The following SRP19 variants were observed in gnomAD, a reference collection of about 807,000 sequenced individuals.
SRP19 encodes the protein signal recognition particle 19 kDa protein.
SRP19 carries 11 observed loss-of-function variants against 22.4 expected under a neutral mutation model. The ratio of observed to expected loss-of-function variants is 0.49; its 90% CI spans 0.31 to 0.81. The LOEUF is 0.81. Ranked by LOEUF, SRP19 falls within the 40% of genes least tolerant of loss-of-function variation. The pLI is 0.05. For synonymous variants in SRP19, 61 were observed against 57.6 expected, an observed-to-expected ratio of 1.06 and a Z score of -0.27; for missense variants, 168 against 175.9, an observed-to-expected ratio of 0.96 and a Z score of 0.25.
chr5:112,866,717 A>G (rs1219401291), intron 4 of SRP19, among the ~76,000 whole-genome samples: 1 of 152,210 alleles, frequency 6.6e-6, no homozygotes, highest in African/African-American at 2.4e-5. Flanking sequence ...GAGTGACATC[A>G]TATTCTGATA....
chr5:112,893,986 A>G (rs1170166714), downstream of SRP19: 3 of 152,206 alleles, frequency 2.0e-5, no homozygotes. Context: ...GGAGAATTAA[A>G]TGACTGTATT....
chr5:112,895,571 T>C (rs1768657841), downstream of SRP19: 1 of 152,218 alleles, frequency 6.6e-6, no homozygotes, highest in African/African-American at 2.4e-5. Flanking sequence ...ATTGACTACT[T>C]TCTGGTACCC....
chr5:112,876,522 T>C (rs1767899614), intron 4 of SRP19: 1 of 152,214 alleles, frequency 6.6e-6, no homozygotes. Flanking sequence ...AGAGTAGCAG[T>C]TGTTGATCCA....
chr5:112,894,507 C>T (rs1768618469), downstream of SRP19: 1 of 152,226 alleles, frequency 6.6e-6, no homozygotes, highest in Non-Finnish European at 1.5e-5. Flanking sequence ...TGCAATACAA[C>T]ATTATGATAT....
At chr5:112,879,930 T>G (rs1474378259) in intron 4 of SRP19, among the ~76,000 whole-genome samples, 1 of 151,956 alleles carries the variant, frequency 6.6e-6, no homozygotes, top group Non-Finnish European at 1.5e-5. Context: ...ACCTCTATTT[T>G]AAAAAAATTT....
intron 4 of SRP19, among the ~76,000 whole-genome samples, chr5:112,882,231 A>G (rs993414029): frequency 6.6e-6 from 1 of 152,068 alleles, no homozygotes. Flanking sequence ...CCAATACTGC[A>G]GTCCCTCCAT....
chr5:112,887,672 G>A (rs1768302457), intron 4 of SRP19, among the ~76,000 whole-genome samples: 1 of 152,038 alleles, frequency 6.6e-6, no homozygotes, highest in South Asian at 2.1e-4. Context: ...TCCTTTGGTG[G>A]ACCTCAGTTT....
rs1767541630 is a variant in SRP19 at position 112,864,933 on chromosome 5, A to G, written c.301+201A>G. 3 of 396,320 alleles carry G rather than the reference A, an allele frequency of 7.6e-6. No homozygotes were observed. The South Asian group carries it at 2.5e-4, about 33-fold the overall frequency. The allele number at this position is 396,320 out of a possible 1,614,324, so 24.6% of individuals were successfully genotyped here. A position where few individuals can be genotyped will look rare whatever the true frequency, so the allele number is the denominator to read the frequency against. The stretch of plus-strand genomic sequence containing the variant: ...CCTCTTTGAAAATGTAATGAGACCC[A>G]CTAAACATTTTTCAAAAAAATTGTT... On this transcript the variant is annotated intron_variant, in intron 4 of 4. Coordinates refer to ENST00000505459, the MANE Select transcript of SRP19 (RefSeq NM_003135.3).
rs755148026 is a variant in SRP19 at position 112,892,916 on chromosome 5, C to G, written c.*1309C>G. On this transcript the variant is annotated 3_prime_UTR_variant, in exon 5 of 5. Transcript: ENST00000391338. ...AAGAGTCGGGAGAGGCACAATTCAC[C>G]AAGCAGAGGAAGAAATAGGCACCGC... 3 of 1,607,080 alleles carry G rather than the reference C, an allele frequency of 1.9e-6. No individual in the cohort carries two copies. The Admixed American group carries it at 5.1e-5, about 27-fold the overall frequency.
At position 112,892,571 on chromosome 5, in the gene SRP19, G is replaced by A. The variant is rs191887893; in HGVS notation, c.*964G>A. The A allele has an allele frequency of 2.0e-4, 329 of 1,614,120 alleles. 3 individuals are homozygous for A. In the African/African-American group the frequency reaches 3.8e-3, roughly 19 times the overall value. ...CAATGTGAATTCTGCCCAGTGACCC[G>A]GTGGAAAATGGCGATTTGTGGTTTA... is the stretch of plus-strand genomic sequence containing the variant. On this transcript the variant is annotated 3_prime_UTR_variant, in exon 5 of 5. Transcript: ENST00000391338.
rs1767661929 is a variant in SRP19 at position 112,867,947 on chromosome 5, A to G, written c.*410A>G. The G allele has an allele frequency of 1.0e-6, 1 of 987,830 alleles. No homozygotes were observed. The highest frequency in any genetic ancestry group is 6.1e-5 in the Admixed American group (1 of 16,488). 61.2% of individuals were successfully genotyped at this position (987,830 alleles called of 1,614,324 possible). A position where few individuals can be genotyped will look rare whatever the true frequency, so the allele number is the denominator to read the frequency against. ...GCTTATATACTAATGCTAGGAGAGG[A>G]GGGATAATTAAGAATAAAATATGTA... On this transcript the variant is annotated 3_prime_UTR_variant, in exon 5 of 5. Transcript: ENST00000505459.
chr5:112,895,893 G>C (rs1187820871), downstream of SRP19: 1 of 152,210 alleles, frequency 6.6e-6, no homozygotes, highest in Non-Finnish European at 1.5e-5. Flanking sequence ...GCTGCCTGCA[G>C]TTCAGACAGA....
rs539646588 is a variant in SRP19, at chr5:112,866,652, A to G, written c.302-752A>G. Reference sequence around the variant, plus strand: ...GCCTAAAATAGATTGTTTTTTATATACTAAAACCCATCAGGATTGGTAGGT... The same window carrying G: ...GCCTAAAATAGATTGTTTTTTATATGCTAAAACCCATCAGGATTGGTAGGT... On this transcript the variant is annotated intron_variant, in intron 4 of 4. Transcript: ENST00000505459. Among the ~76,000 whole-genome samples, 45 of 152,290 alleles carry G rather than the reference A, an allele frequency of 3.0e-4. No individual in the cohort carries two copies. The South Asian group carries it at 9.1e-3, about 31-fold the overall frequency.
intron 2 of SRP19, among the ~76,000 whole-genome samples, chr5:112,864,049 TG>T (rs1767502565): frequency 6.6e-6 from 1 of 152,238 alleles, no homozygotes; most frequent in Non-Finnish European, 1.5e-5. Context: ...AGAACGCATC[TG>T]GGAATGGAAT....
At chr5:112,862,803 C>T (rs1020883241) in intron 2 of SRP19, among the ~76,000 whole-genome samples, 4 of 150,778 alleles carry the variant, frequency 2.7e-5, no homozygotes, top group African/African-American at 9.7e-5. Flanking sequence ...TCTTAATGAG[C>T]CTTTGTTTGT....
At position 112,888,118 on chromosome 5, in the gene SRP19, T is replaced by G. The variant is rs541691559; in HGVS notation, c.302-3485T>G. 3.3e-5 allele frequency among the ~76,000 whole-genome samples: 5 copies of G among 152,290 alleles called. No individual in the cohort carries two copies. In the South Asian group the frequency reaches 1.0e-3, roughly 32 times the overall value. On this transcript the variant is annotated intron_variant, in intron 4 of 4. Coordinates refer to the SRP19 transcript ENST00000391338. The stretch of plus-strand genomic sequence containing the variant: ...TTACAGAGATTCCAAATCAGTATTT[T>G]TTACAACTTCTCCTTAGTGTAAAAA...
Position 112,867,669 on chromosome 5 carries a change from C to A in SRP19, c.*132C>A. The A allele has an allele frequency of 7.3e-7, 1 of 1,368,934 alleles. No individual in the cohort carries two copies. Among genetic ancestry groups the A allele is most frequent in the Admixed American group, 3.2e-5 (1 of 31,266 alleles). 84.8% of individuals were successfully genotyped at this position (1,368,934 alleles called of 1,614,324 possible). On this transcript the variant is annotated 3_prime_UTR_variant, in exon 5 of 5. Coordinates refer to ENST00000505459, the MANE Select transcript of SRP19 (RefSeq NM_003135.3). ...AACTGTGAACCCTTGTGCCTCTCAT[C>A]TTTATCATCGGAGTTGACAGTGAAA...
chr5:112,873,888 G>A (rs1243676674), downstream of SRP19, among the ~76,000 whole-genome samples: 1 of 152,044 alleles, frequency 6.6e-6, no homozygotes, highest in African/African-American at 2.4e-5. Flanking sequence ...TCTGGCCTGG[G>A]TGCTGTGGCT....
chr5:112,892,024 CA>C (rs1211824214), exon 5 of SRP19: 1 of 1,354,590 alleles, frequency 7.4e-7, no homozygotes. Context: ...AGAGGAGGAG[CA>C]GAAACAACAG....
Sources: allele counts gnomAD v4.1 joint callset (sites outside exome capture counted in the v4.1 genomes callset), GRCh38; gene constraint gnomAD v4.1.1; transcripts MANE v1.5; gene names NCBI Gene and HGNC (gene_info 2026-07-23, HGNC 2026-07-21).